MXI1: variants seen among roughly 807,000 people sequenced by gnomAD.
The protein encoded by MXI1 is MAX interactor 1, dimerization protein.
A neutral mutation model predicts 36.9 loss-of-function variants in MXI1; 18 were observed. That is an observed-to-expected ratio of 0.49 (90% CI 0.34 to 0.72). MXI1 has a LOEUF of 0.72. MXI1 is among the 30% of genes least tolerant of loss of function. The pLI, the probability that MXI1 is intolerant of heterozygous loss-of-function variation, is 0.01. For missense variants in MXI1, 304 were observed against 379.1 expected (o/e 0.80, Z 1.64); for synonymous variants, 160 against 146.7 (o/e 1.09, Z -0.65).
At chr10:110,208,879 G>A (rs1445485853) in intron 1 of MXI1, among the ~76,000 whole-genome samples, 1 of 152,106 alleles carries the variant, frequency 6.6e-6, no homozygotes, top group African/African-American at 2.4e-5. Flanking sequence ...AGAAACAATA[G>A]TTGGGGAAGA....
intron 3 of MXI1, among the ~76,000 whole-genome samples, chr10:110,278,701 GGTGTGTGTGTGTGTGTGT>G: frequency 8.6e-6 from 1 of 116,024 alleles, no homozygotes; most frequent in South Asian, 3.5e-4. Flanking sequence ...AGAGAGGTAG[GGTGTGTGTGTGTGTGTGT>G]GTGTGTGTGC....
intron 1 of MXI1, chr10:110,210,359 C>T (rs1854481702): frequency 1.1e-6 from 1 of 888,830 alleles, no homozygotes; most frequent in African/African-American, 1.8e-5. Context: ...CTCCTCCGGC[C>T]GGCTCCCGGC....
chr10:110,229,702 A>G (rs1855193677), intron 2 of MXI1, among the ~76,000 whole-genome samples: 1 of 152,158 alleles, frequency 6.6e-6, no homozygotes, highest in Non-Finnish European at 1.5e-5. Context: ...TTGTTGTAGT[A>G]TGGTGTATTT....
intron 1 of MXI1, among the ~76,000 whole-genome samples, chr10:110,218,188 C>G (rs1475781862): frequency 6.6e-6 from 1 of 152,106 alleles, no homozygotes; most frequent in Non-Finnish European, 1.5e-5. Context: ...CGGTGGCTCA[C>G]GTCTGTAATC....
intron 2 of MXI1, among the ~76,000 whole-genome samples, chr10:110,232,069 T>A (rs1469276698): frequency 6.6e-6 from 1 of 152,170 alleles, no homozygotes; most frequent in African/African-American, 2.4e-5. Context: ...CACGCCATTC[T>A]CCTGCCTCAG....
intron 3 of MXI1, among the ~76,000 whole-genome samples, chr10:110,260,654 TAAG>T (rs1564720466): frequency 6.6e-6 from 1 of 152,038 alleles, no homozygotes; most frequent in Non-Finnish European, 1.5e-5. Flanking sequence ...AGAACTTTGA[TAAG>T]TAGTAAATAT....
At chr10:110,263,161 G>A (rs1856575090) in intron 3 of MXI1, among the ~76,000 whole-genome samples, 1 of 152,116 alleles carries the variant, frequency 6.6e-6, no homozygotes, top group Non-Finnish European at 1.5e-5. Context: ...GAAAAAAGTT[G>A]ACTTTGGCCA....
intron 3 of MXI1, among the ~76,000 whole-genome samples, chr10:110,278,651 T>C (rs2134468795): frequency 6.6e-6 from 1 of 152,258 alleles, no homozygotes; most frequent in Admixed American, 6.5e-5. Context: ...CAAACTAATA[T>C]ATAACAACAT....
chr10:110,212,339 C>G (rs950062443), intron 1 of MXI1, among the ~76,000 whole-genome samples: 3 of 152,212 alleles, frequency 2.0e-5, no homozygotes, highest in Non-Finnish European at 1.5e-5. Context: ...GACTTAATCT[C>G]CTCTTCCTTG....
At chr10:110,278,699 A>AGG (rs960700694) in intron 3 of MXI1, among the ~76,000 whole-genome samples, 20 of 115,308 alleles carry the variant, frequency 1.7e-4, no homozygotes, top group African/African-American at 7.6e-4. Context: ...GTAGAGAGGT[A>AGG]GGGTGTGTGT....
At chr10:110,234,625 T>C (rs1045163981) in intron 2 of MXI1, among the ~76,000 whole-genome samples, 2 of 152,186 alleles carry the variant, frequency 1.3e-5, no homozygotes, top group African/African-American at 4.8e-5. Context: ...TGCCTGACTC[T>C]TAAAATGATT....
chr10:110,220,455 T>C (rs1292022605), intron 1 of MXI1, among the ~76,000 whole-genome samples: 1 of 152,206 alleles, frequency 6.6e-6, no homozygotes, highest in Non-Finnish European at 1.5e-5. Flanking sequence ...CATCTGAGGC[T>C]GAGAGAACGC....
intron 2 of MXI1, among the ~76,000 whole-genome samples, chr10:110,232,543 T>C (rs2134365595): frequency 6.6e-6 from 1 of 152,356 alleles, no homozygotes; most frequent in South Asian, 2.1e-4. Context: ...CAGTTGTTTC[T>C]TAAATTCGTG....
In MXI1 at chr10:110,285,701, G is replaced by GC. The variant is rs1204024427; in HGVS notation, c.*715dup. 3.3e-5 allele frequency: 5 copies of GC among 152,254 alleles called. No homozygotes were observed. The highest frequency in any genetic ancestry group is 1.2e-4 in the African/African-American group (5 of 41,422). 9.4% of individuals were successfully genotyped at this position (152,254 alleles called of 1,614,324 possible). On this transcript the variant is annotated 3_prime_UTR_variant, in exon 6 of 6. Transcript: ENST00000332674. Reference sequence around the variant, plus strand: ...CACCCAGCTGCCACCTCTCCATCCTGCTGCCCTTAGGCCACATGGGAGCAG... The same window carrying GC: ...CACCCAGCTGCCACCTCTCCATCCTGCCTGCCCTTAGGCCACATGGGAGCAG...
intron 3 of MXI1, among the ~76,000 whole-genome samples, chr10:110,254,662 A>G (rs1212644837): frequency 6.6e-6 from 1 of 152,176 alleles, no homozygotes; most frequent in African/African-American, 2.4e-5. Flanking sequence ...ACATCCAAAT[A>G]TGAAAGTTAA....
chr10:110,223,365 C>T (rs1380927809), intron 1 of MXI1, among the ~76,000 whole-genome samples: 2 of 152,058 alleles, frequency 1.3e-5, no homozygotes, highest in South Asian at 2.1e-4. Flanking sequence ...GGGCGAGTCA[C>T]GAGGTCAGGA....
intron 3 of MXI1, among the ~76,000 whole-genome samples, chr10:110,270,452 T>C (rs991214011): frequency 4.6e-5 from 7 of 151,356 alleles, no homozygotes; most frequent in Non-Finnish European, 8.8e-5. Flanking sequence ...TTTTTTTTTT[T>C]CAAATGAGGC....
At chr10:110,239,149 A>G (rs930586943) in intron 2 of MXI1, among the ~76,000 whole-genome samples, 6 of 152,116 alleles carry the variant, frequency 3.9e-5, no homozygotes. Context: ...GGGTCAGATA[A>G]TTCTGTTTTG....
At chr10:110,259,757 T>C (rs183909160) in intron 3 of MXI1, among the ~76,000 whole-genome samples, 42 of 152,204 alleles carry the variant, frequency 2.8e-4, no homozygotes, top group Middle Eastern at 3.4e-3. Flanking sequence ...TATCTTTTTC[T>C]ACTTATTCTA....
Sources: allele counts gnomAD v4.1 joint callset (sites outside exome capture counted in the v4.1 genomes callset), GRCh38; gene constraint gnomAD v4.1.1; transcripts MANE v1.5; gene names NCBI Gene and HGNC (gene_info 2026-07-23, HGNC 2026-07-21).